Variants in NMRK2 observed in about 807,000 individuals in gnomAD.
NMRK2 encodes NRK 2.
Under a neutral mutation model 24.7 loss-of-function variants are expected in NMRK2, and 34 were observed. The observed-to-expected ratio is 1.37, with a 90% CI of 1.05 to 1.83. The LOEUF (loss-of-function observed/expected upper bound fraction) is 1.83. NMRK2 is among the 40% of genes most tolerant of loss of function. NMRK2 has a pLI of 0.00. For missense variants in NMRK2, 341 were observed against 315.0 expected (o/e 1.08, Z -0.62); for synonymous variants, 145 against 125.6 (o/e 1.15, Z -1.03).
At chr19:3,938,271 T>C (rs1599162222) in intron 4 of NMRK2, among the ~76,000 whole-genome samples, 1 of 87,324 alleles carries the variant, frequency 1.1e-5, no homozygotes, top group Non-Finnish European at 2.2e-5. Flanking sequence ...CAATACCCGC[T>C]CCCCCTCCAC....
chr19:3,942,235 A>C lies in NMRK2; in HGVS notation c.655A>C (p.Thr219Pro). The part of the protein sequence containing the change: ...QGPGRGCGHR[T>P]ARPAASQQDS... ...ACCCGGACGCGGATGCGGCCACAGA[A>C]CGGCCAGGCCTGCAGCGTCCCAGCA... Residue 219 changes from threonine (T) to proline (P), a missense_variant, in exon 8 of 8, where the codon ACG becomes CCG. Coordinates refer to ENST00000168977, the MANE Select transcript of NMRK2 (RefSeq NM_170678.3). 1 of 1,612,230 alleles carries C rather than the reference A, an allele frequency of 6.2e-7. No homozygotes were observed. The highest frequency in any genetic ancestry group is 8.5e-7 in the Non-Finnish European group (1 of 1,179,736).
chr19:3,933,586 G>T lies in NMRK2; in HGVS notation c.-86G>T, dbSNP rs910535662. 49 of 1,467,202 alleles carry T rather than the reference G, an allele frequency of 3.3e-5. No individual in the cohort carries two copies. Among genetic ancestry groups the T allele is most frequent in the African/African-American group, 4.4e-5 (3 of 68,540 alleles). The allele number at this position is 1,467,202 out of a possible 1,614,324, so 90.9% of individuals were successfully genotyped here. ...AAAGGCGCCAGGTTTTCTCAATGAA[G>T]CCGGGACGCACTCCGGAGCGCACTG... On this transcript the variant is annotated 5_prime_UTR_variant, in exon 2 of 8. Coordinates refer to ENST00000168977, the MANE Select transcript of NMRK2 (RefSeq NM_170678.3).
At chr19:3,940,467 C>T (rs1293634925) in intron 6 of NMRK2, among the ~76,000 whole-genome samples, 1 of 151,034 alleles carries the variant, frequency 6.6e-6, no homozygotes, top group African/African-American at 2.4e-5. Context: ...GGTGAAGCCC[C>T]ATCTCTACCA....
intron 5 of NMRK2, 84 bp downstream of exon 5, chr19:3,938,843 TG>T (rs372800507): frequency 0.091 from 18,353 of 202,770 alleles, 711 homozygotes; most frequent in East Asian, 0.22. Flanking sequence ...TTTTTTTTTT[TG>T]TTTTGTTTTT....
At chr19:3,939,468 C>T (rs533813619) in intron 5 of NMRK2, among the ~76,000 whole-genome samples, 2 of 151,970 alleles carry the variant, frequency 1.3e-5, no homozygotes, top group East Asian at 1.9e-4. Context: ...AAGCCGAGAT[C>T]GCACCACTGC....
intron 7 of NMRK2, 41 bp from the exon 8 acceptor site, chr19:3,942,042 C>T (rs2145310587): frequency 6.3e-7 from 1 of 1,580,062 alleles, no homozygotes. Context: ...GCTCTGGCCC[C>T]CTTCCTCCCG....
At position 3,941,137 on chromosome 19, in the gene NMRK2, G is replaced by C; in HGVS notation, c.462G>C (p.Gln154His). 1 of 1,470,150 alleles carries C rather than the reference G, an allele frequency of 6.8e-7. No individual in the cohort carries two copies. The highest frequency in any genetic ancestry group is 1.1e-5 in the South Asian group (1 of 89,076). 91.1% of individuals were successfully genotyped at this position (1,470,150 alleles called of 1,614,324 possible). The change falls in exon 7 of 8, where the codon CAG becomes CAC. Residue 154 changes from glutamine to histidine, a missense_variant. Gln to His is a conservative substitution (Grantham distance 24). Transcript: ENST00000168977. ...LFDGHVWPMYQKYRQEMEANG... is the reference protein window; with the variant it reads ...LFDGHVWPMYHKYRQEMEANG... ...ATGGCCACGTGTGGCCCATGTACCA[G>C]AAGTATAGGCAGGAGATGGAGGCCA...
intron 2 of NMRK2, among the ~76,000 whole-genome samples, chr19:3,934,308 C>T (rs978828421): frequency 6.6e-6 from 1 of 152,092 alleles, no homozygotes; most frequent in African/African-American, 2.4e-5. Flanking sequence ...CCTCCCGCCT[C>T]GTGGCTGTCC....
intron 5 of NMRK2, among the ~76,000 whole-genome samples, chr19:3,939,014 A>T (rs2039277917): frequency 6.6e-6 from 1 of 151,036 alleles, no homozygotes; most frequent in Admixed American, 6.6e-5. Flanking sequence ...CACCCGGCTA[A>T]TTTTTGTATT....
In NMRK2 at chr19:3,942,181, TC is replaced by T; in HGVS notation, c.605del (p.Pro202ArgfsTer63). The T allele has an allele frequency of 6.2e-7, 1 of 1,613,030 alleles. No individual in the cohort carries two copies. Among genetic ancestry groups the T allele is most frequent in the Admixed American group, 1.7e-5 (1 of 59,986 alleles). ...LLNRSQESAP[S>X]PARPARTQGP... ...GAACCGCTCCCAGGAATCAGCCCCCTCCCCGGCTCGCCCAGCCAGGACACAG... is the reference window on the plus strand; with the variant it reads ...GAACCGCTCCCAGGAATCAGCCCCCTCCCGGCTCGCCCAGCCAGGACACAG... On this transcript the variant is annotated frameshift_variant, in exon 8 of 8. Coordinates refer to ENST00000168977, the MANE Select transcript of NMRK2 (RefSeq NM_170678.3). LOFTEE classifies it low-confidence loss of function (END_TRUNC).
chr19:3,933,309 A>C (rs1599156655), intron 1 of NMRK2, 131 bp downstream of exon 1: 3 of 198,630 alleles, frequency 1.5e-5, no homozygotes, highest in African/African-American at 5.2e-5. Flanking sequence ...GGCCAGGAGG[A>C]GGGAAGAGGG....
chr19:3,942,327 T>G lies in NMRK2; in HGVS notation c.*54T>G. The G allele has an allele frequency of 6.6e-7, 1 of 1,509,098 alleles. No homozygotes were observed. Among genetic ancestry groups the G allele is most frequent in the Non-Finnish European group, 8.9e-7 (1 of 1,118,056 alleles). 93.5% of individuals were successfully genotyped at this position (1,509,098 alleles called of 1,614,324 possible). On this transcript the variant is annotated 3_prime_UTR_variant, in exon 8 of 8. Transcript: ENST00000168977. The stretch of plus-strand genomic sequence containing the variant: ...AGGAGAGTGGAGGCCCCACTCCCAG[T>G]TGGGCGTCCCGGAGCTCAGGGACTG...
At chr19:3,937,390 AATGCCCGCTCCCCCTCCACTATTCCCCC>A in intron 4 of NMRK2, 102 bp downstream of exon 4, 1 of 517,144 alleles carries the variant, frequency 1.9e-6, no homozygotes, top group Middle Eastern at 4.6e-4. Flanking sequence ...GCCCTCCTGC[AATGCCCGCTCCCCCTCCACTATTCCCCC>A]GGGGTCCGCC....
chr19:3,940,062 G>A (rs2039303209), intron 6 of NMRK2, 91 bp downstream of exon 6: 7 of 1,138,170 alleles, frequency 6.2e-6, no homozygotes, highest in Non-Finnish European at 9.1e-6. Context: ...AAATGCCACT[G>A]GGGGCTGGGC....
intron 7 of NMRK2, among the ~76,000 whole-genome samples, chr19:3,941,699 G>C (rs1005284164): frequency 2.6e-5 from 4 of 151,738 alleles, no homozygotes; most frequent in African/African-American, 9.7e-5. Flanking sequence ...CTGGAGTGCA[G>C]TGGCGCGATC....
In NMRK2 at chr19:3,933,590, G is replaced by C. The variant is rs944720087; in HGVS notation, c.-82G>C. On this transcript the variant is annotated 5_prime_UTR_variant, in exon 2 of 8. Coordinates refer to ENST00000168977, the MANE Select transcript of NMRK2 (RefSeq NM_170678.3). ...GCGCCAGGTTTTCTCAATGAAGCCGGGACGCACTCCGGAGCGCACTGCGTG... is the reference window on the plus strand; with the variant it reads ...GCGCCAGGTTTTCTCAATGAAGCCGCGACGCACTCCGGAGCGCACTGCGTG... 164 of 1,468,742 alleles carry C rather than the reference G, an allele frequency of 1.1e-4. No individual in the cohort carries two copies. The highest frequency in any genetic ancestry group is 1.4e-4 in the Non-Finnish European group (152 of 1,097,840). The allele number at this position is 1,468,742 out of a possible 1,614,324, so 91.0% of individuals were successfully genotyped here.
intron 7 of NMRK2, 83 bp from the exon 8 acceptor site, chr19:3,942,000 C>G: frequency 1.7e-6 from 2 of 1,167,126 alleles, no homozygotes; most frequent in Admixed American, 3.9e-5. Context: ...GATCTCCTTG[C>G]TCCTGACCCA....
rs751431174 is a variant in NMRK2, at chr19:3,941,102, G to A, written c.427G>A (p.Gly143Ser). Residue 143 changes from glycine to serine, a missense_variant, in exon 7 of 8, where the codon GGC (glycine) becomes AGC (serine). By Grantham distance (56) the Gly-to-Ser change is moderately conservative. Transcript: ENST00000168977. ...TRNYTVPDPP[G>S]LFDGHVWPMY... ...CAACTACACAGTCCCTGATCCCCCCGGCCTCTTCGATGGCCACGTGTGGCC... is the reference window on the plus strand; with the variant it reads ...CAACTACACAGTCCCTGATCCCCCCAGCCTCTTCGATGGCCACGTGTGGCC... The A allele has an allele frequency of 8.7e-6, 14 of 1,613,788 alleles. No individual in the cohort carries two copies. The highest frequency in any genetic ancestry group is 3.3e-5 in the South Asian group (3 of 91,052).
chr19:3,941,679 G>T (rs2039335952), intron 7 of NMRK2, among the ~76,000 whole-genome samples: 1 of 151,510 alleles, frequency 6.6e-6, no homozygotes, highest in African/African-American at 2.4e-5. Flanking sequence ...GTCTTGTTCT[G>T]TCGCCCAGGC....
Sources: gnomAD v4.1 joint callset for allele counts (sites outside exome capture counted in the v4.1 genomes callset) on GRCh38, gnomAD v4.1.1 for gene constraint, MANE v1.5 for transcripts, NCBI Gene and HGNC (gene_info 2026-07-23, HGNC 2026-07-21) for gene names.